Variants in BAZ2B observed in about 807,000 individuals in gnomAD.
BAZ2B encodes the protein bromodomain adjacent to zinc finger domain protein 2B.
A neutral mutation model predicts 246.0 loss-of-function variants in BAZ2B; 91 were observed. The ratio of observed to expected loss-of-function variants is 0.37; its 90% CI spans 0.31 to 0.44. BAZ2B has a LOEUF of 0.44. Among genes scored for constraint, BAZ2B ranks in the 20% least tolerant of loss-of-function variants. The pLI, the probability that BAZ2B is intolerant of heterozygous loss-of-function variation, is 1.00. For missense variants in BAZ2B, 2,332 were observed against 2,533.7 expected, an observed-to-expected ratio of 0.92 and a Z score of 1.71; for synonymous variants, 855 against 860.0, an observed-to-expected ratio of 0.99 and a Z score of 0.10.
the BAZ2B span, among the ~76,000 whole-genome samples, chr2:159,674,144 G>A: frequency 0.25 from 37,438 of 151,834 alleles, 5,968 homozygotes; most frequent in Admixed American, 0.43. Context: ...AGGAGTTCAA[G>A]ACCAGCCTAG....
intron 32 of BAZ2B, 192 bp downstream of exon 32, chr2:159,337,375 G>A (rs1395668190): frequency 1.5e-6 from 2 of 1,363,634 alleles, no homozygotes; most frequent in Non-Finnish European, 2.0e-6. Flanking sequence ...AGACATACAA[G>A]AAGATACATA....
chr2:159,478,521 T>C (rs2078883895), intron 3 of BAZ2B, 54 bp downstream of exon 3: 2 of 1,522,740 alleles, frequency 1.3e-6, no homozygotes, highest in East Asian at 4.7e-5. Context: ...TAAAATATTA[T>C]GCAAATTATT....
At chr2:159,611,271 TA>T (rs1318863753) in intron 1 of BAZ2B, among the ~76,000 whole-genome samples, 1 of 151,658 alleles carries the variant, frequency 6.6e-6, no homozygotes, top group Non-Finnish European at 1.5e-5. Context: ...AGGAGTCCTT[TA>T]AAAAAAAGTT....
At chr2:159,501,874 T>C (rs2081883076) in intron 2 of BAZ2B, among the ~76,000 whole-genome samples, 2 of 152,190 alleles carry the variant, frequency 1.3e-5, no homozygotes, top group South Asian at 4.1e-4. Context: ...CAAAAACTGG[T>C]ACCTGAATGT....
chr2:159,361,970 G>T (rs763761530), intron 27 of BAZ2B, among the ~76,000 whole-genome samples: 1 of 151,916 alleles, frequency 6.6e-6, no homozygotes, highest in Admixed American at 6.6e-5. Flanking sequence ...GTGAGGGTCT[G>T]GGGGAGGGAT....
chr2:159,337,873 A>C, intron 31 of BAZ2B, 101 bp from the exon 32 acceptor site: 6 of 1,127,148 alleles, frequency 5.3e-6, no homozygotes, highest in Non-Finnish European at 7.4e-6. Context: ...GGCAGATCTC[A>C]AGGATTGTTA....
At chr2:159,660,108 TC>T in the BAZ2B span, among the ~76,000 whole-genome samples, 1 of 152,166 alleles carries the variant, frequency 6.6e-6, no homozygotes, top group African/African-American at 2.4e-5. Context: ...AAACAATAAC[TC>T]CCCATTCATT....
chr2:159,383,346 T>C (rs1343993467), intron 24 of BAZ2B, among the ~76,000 whole-genome samples: 1 of 152,112 alleles, frequency 6.6e-6, no homozygotes, highest in Non-Finnish European at 1.5e-5. Context: ...GAAAATGTAA[T>C]TGCTTGACTT....
At chr2:159,642,440 G>A in the BAZ2B span, among the ~76,000 whole-genome samples, 6 of 151,722 alleles carry the variant, frequency 4.0e-5, no homozygotes, top group South Asian at 2.1e-4. Context: ...GTTTCATCAC[G>A]TTAGCCAGGC....
At chr2:159,489,135 C>T (rs2080170030) in intron 2 of BAZ2B, among the ~76,000 whole-genome samples, 1 of 151,996 alleles carries the variant, frequency 6.6e-6, no homozygotes, top group African/African-American at 2.4e-5. Context: ...TTCTTGATGT[C>T]CAATATGTTA....
At chr2:159,374,408 G>A (rs1251858698) in intron 26 of BAZ2B, among the ~76,000 whole-genome samples, 3 of 152,130 alleles carry the variant, frequency 2.0e-5, no homozygotes, top group South Asian at 2.1e-4. Context: ...AAGAGCTGAA[G>A]AGTATAGAAT....
intron 36 of BAZ2B, among the ~76,000 whole-genome samples, chr2:159,323,802 A>C (rs1260164133): frequency 4.2e-4 from 21 of 49,668 alleles, no homozygotes; most frequent in Non-Finnish European, 1.2e-3. Flanking sequence ...AAACTCTCTC[A>C]AAAAAAAAAA....
the BAZ2B span, chr2:159,710,713 T>C: frequency 6.6e-6 from 1 of 152,176 alleles, no homozygotes. Flanking sequence ...GGTGTCATAC[T>C]CACTTTATAA....
chr2:159,612,363 C>G (rs1694892218), intron 1 of BAZ2B, among the ~76,000 whole-genome samples: 1 of 151,902 alleles, frequency 6.6e-6, no homozygotes, highest in Non-Finnish European at 1.5e-5. Flanking sequence ...TCTTAAAATA[C>G]CTAACTAGGT....
rs1202209652 is a variant in BAZ2B, at chr2:159,385,518, G to A, written c.3472-149C>T. On this transcript the variant is annotated intron_variant, in intron 22 of 36. Transcript: ENST00000392783. Reference sequence around the variant, plus strand: ...TTTTAATGAAAGAGACACAAAAATAGTCAATAGAAGACAGACAAATATTCA... The same window carrying A: ...TTTTAATGAAAGAGACACAAAAATAATCAATAGAAGACAGACAAATATTCA... The A allele has an allele frequency of 6.1e-6, 4 of 658,896 alleles. No homozygotes were observed. The African/African-American group carries it at 7.3e-5, about 12-fold the overall frequency. The allele number at this position is 658,896 out of a possible 1,614,324, so 40.8% of individuals were successfully genotyped here.
At chr2:159,372,604 A>G (rs1484011577) in intron 27 of BAZ2B, among the ~76,000 whole-genome samples, 1 of 152,220 alleles carries the variant, frequency 6.6e-6, no homozygotes, top group Non-Finnish European at 1.5e-5. Context: ...ACAAATTTCA[A>G]ACATTAACAA....
chr2:159,374,249 C>G (rs2061177028), intron 26 of BAZ2B, among the ~76,000 whole-genome samples: 1 of 151,782 alleles, frequency 6.6e-6, no homozygotes. Context: ...CCACAGTTTA[C>G]AAATCCAATG....
chr2:159,571,712 T>G (rs879666379), intron 1 of BAZ2B, among the ~76,000 whole-genome samples: 1 of 152,178 alleles, frequency 6.6e-6, no homozygotes, highest in Non-Finnish European at 1.5e-5. Flanking sequence ...TTGCTCACAG[T>G]TCTGGAGGCT....
At chr2:159,510,046 C>T (rs1311915075) in intron 2 of BAZ2B, among the ~76,000 whole-genome samples, 1 of 151,544 alleles carries the variant, frequency 6.6e-6, no homozygotes, top group Non-Finnish European at 1.5e-5. Flanking sequence ...TAAGCCCAAC[C>T]CAAAAAAGGA....
Sources: allele counts gnomAD v4.1 joint callset (sites outside exome capture counted in the v4.1 genomes callset), GRCh38; gene constraint gnomAD v4.1.1; transcripts MANE v1.5; gene names NCBI Gene and HGNC (gene_info 2026-07-23, HGNC 2026-07-21).